The following TRPC7 variants were observed in gnomAD, a reference collection of about 807,000 sequenced individuals.
TRPC7 encodes the protein transient receptor potential cation channel subfamily C member 7.
In TRPC7, 42 loss-of-function variants were observed where a neutral mutation model predicts 90.1. The ratio of observed to expected loss-of-function variants is 0.47; its 90% CI spans 0.36 to 0.60. The LOEUF is 0.60. Among genes scored for constraint, TRPC7 ranks in the 20% least tolerant of loss-of-function variants. The probability of loss-of-function intolerance (pLI) is 0.00; values close to 1 mark genes in which losing one functional copy is unlikely to be tolerated. For missense variants in TRPC7, 955 were observed against 1,112.3 expected (o/e 0.86, Z 2.01); for synonymous variants, 451 against 436.3 (o/e 1.03, Z -0.42).
At chr5:136,221,485 T>C (rs1483275852) in intron 10 of TRPC7, among the ~76,000 whole-genome samples, 1 of 152,154 alleles carries the variant, frequency 6.6e-6, no homozygotes, top group Non-Finnish European at 1.5e-5. Flanking sequence ...ACAGGACATC[T>C]TTCTATGGGA....
At chr5:136,288,509 A>G (rs1037542693) in intron 3 of TRPC7, among the ~76,000 whole-genome samples, 1 of 151,052 alleles carries the variant, frequency 6.6e-6, no homozygotes, top group Non-Finnish European at 1.5e-5. Flanking sequence ...AGTGCCGGCT[A>G]TGGAGCAGAA....
At chr5:136,233,062 T>C (rs1755867701) in intron 7 of TRPC7, among the ~76,000 whole-genome samples, 1 of 152,032 alleles carries the variant, frequency 6.6e-6, no homozygotes, top group Non-Finnish European at 1.5e-5. Context: ...CCGAGTGTGA[T>C]TGTGTGGGGG....
chr5:136,298,858 C>CA (rs1758271897), intron 3 of TRPC7, among the ~76,000 whole-genome samples: 1 of 151,856 alleles, frequency 6.6e-6, no homozygotes, highest in African/African-American at 2.4e-5. Context: ...CAAATAAAAA[C>CA]AAAAAATGAA....
chr5:136,262,424 T>C (rs1189070135), intron 5 of TRPC7, among the ~76,000 whole-genome samples: 1 of 152,116 alleles, frequency 6.6e-6, no homozygotes, highest in Non-Finnish European at 1.5e-5. Context: ...CTTATCAGAG[T>C]AGAGGGATGA....
At chr5:136,303,120 A>G (rs1211035395) in intron 3 of TRPC7, among the ~76,000 whole-genome samples, 5 of 152,110 alleles carry the variant, frequency 3.3e-5, no homozygotes, top group African/African-American at 9.7e-5. Flanking sequence ...TTTACTCGAA[A>G]AGGTGGCTGG....
At chr5:136,229,042 G>A (rs1450474177) in intron 8 of TRPC7, among the ~76,000 whole-genome samples, 2 of 152,208 alleles carry the variant, frequency 1.3e-5, no homozygotes, top group African/African-American at 4.8e-5. Context: ...TTGCCGGGGG[G>A]AGTGGTGCAG....
intron 8 of TRPC7, among the ~76,000 whole-genome samples, chr5:136,230,620 AT>A (rs1755786806): frequency 6.6e-6 from 1 of 152,234 alleles, no homozygotes; most frequent in South Asian, 2.1e-4. Flanking sequence ...ATTTAATTAG[AT>A]TCCTATTAAT....
chr5:136,333,691 G>A (rs1265122230), intron 2 of TRPC7, among the ~76,000 whole-genome samples: 1 of 152,120 alleles, frequency 6.6e-6, no homozygotes, highest in African/African-American at 2.4e-5. Context: ...GGATGGAAAT[G>A]GAAACATTCA....
intron 8 of TRPC7, 137 bp downstream of exon 8, chr5:136,231,217 G>C: frequency 1.2e-6 from 1 of 801,924 alleles, no homozygotes; most frequent in Non-Finnish European, 1.9e-6. Flanking sequence ...AAGCAATCCA[G>C]GAAGAATGCC....
intron 2 of TRPC7, among the ~76,000 whole-genome samples, chr5:136,351,308 G>A (rs1760187843): frequency 6.6e-6 from 1 of 152,044 alleles, no homozygotes; most frequent in East Asian, 1.9e-4. Flanking sequence ...AAGACCTGCA[G>A]CCTTCATAGC....
chr5:136,311,429 CT>C, intron 3 of TRPC7, among the ~76,000 whole-genome samples: 1 of 152,278 alleles, frequency 6.6e-6, no homozygotes, highest in South Asian at 2.1e-4. Context: ...ACTGGGGTCC[CT>C]TCATAACTGC....
chr5:136,293,953 A>G lies in TRPC7; in HGVS notation c.964-19116T>C, dbSNP rs1266208389. Among the ~76,000 whole-genome samples the G allele has an allele frequency of 2.0e-5, 3 of 152,278 alleles. No homozygotes were observed. In the East Asian group the frequency reaches 5.8e-4, roughly 29 times the overall value. On this transcript the variant is annotated intron_variant, in intron 3 of 11. Coordinates refer to ENST00000513104, the MANE Select transcript of TRPC7 (RefSeq NM_020389.3). ...AGTACCAAAACAGAGATATAGACCA[A>G]TGGAACAGAACAGAGCCCTCAGAAA... is the stretch of plus-strand genomic sequence containing the variant.
Position 136,247,944 on chromosome 5 carries a change from T to C in TRPC7, c.1580-209A>G, listed in dbSNP as rs1756395764. Among the ~76,000 whole-genome samples the C allele has an allele frequency of 6.6e-6, 1 of 152,256 alleles. No individual in the cohort carries two copies. Among genetic ancestry groups the C allele is most frequent in the Non-Finnish European group, 1.5e-5 (1 of 68,046 alleles). On this transcript the variant is annotated intron_variant, in intron 6 of 11. Coordinates refer to ENST00000513104, the MANE Select transcript of TRPC7 (RefSeq NM_020389.3). This position sits in a 1 kb window ranked among gnomAD's most constrained non-coding sequence, Gnocchi z 4.2. Reference sequence around the variant, plus strand: ...AACACTCTTCTCTCACTTCGAAGTATGATTCATTCCTAATCCTCCTCTAAG... The same window carrying C: ...AACACTCTTCTCTCACTTCGAAGTACGATTCATTCCTAATCCTCCTCTAAG...
At chr5:136,220,863 A>C (rs1755432733) in intron 10 of TRPC7, among the ~76,000 whole-genome samples, 1 of 152,176 alleles carries the variant, frequency 6.6e-6, no homozygotes, top group African/African-American at 2.4e-5. Context: ...TCACCCCCGG[A>C]GGCCCAGCTG....
At chr5:136,246,994 T>C (rs1034256555) in intron 7 of TRPC7, among the ~76,000 whole-genome samples, 2 of 152,202 alleles carry the variant, frequency 1.3e-5, no homozygotes, top group African/African-American at 4.8e-5. Context: ...AGATAACTCA[T>C]GGATTGCAGT....
At chr5:136,243,678 T>A (rs1339703706) in intron 7 of TRPC7, among the ~76,000 whole-genome samples, 2 of 152,118 alleles carry the variant, frequency 1.3e-5, no homozygotes, top group Non-Finnish European at 2.9e-5. Context: ...CTTTTTTTTT[T>A]TTTAATTAAC....
chr5:136,215,842 G>A (rs900991136), intron 11 of TRPC7, among the ~76,000 whole-genome samples: 5 of 151,232 alleles, frequency 3.3e-5, no homozygotes, highest in African/African-American at 7.3e-5. Flanking sequence ...AAAAAAAATG[G>A]TGGAGGAGGA....
In TRPC7 at chr5:136,271,328, C is replaced by T. The variant is rs139608470; in HGVS notation, c.1128+3345G>A. Among the ~76,000 whole-genome samples, 788 of 152,324 alleles carry T rather than the reference C, an allele frequency of 5.2e-3. 8 individuals carry two copies. The highest frequency in any genetic ancestry group is 0.017 in the African/African-American group (715 of 41,562). On this transcript the variant is annotated intron_variant, in intron 4 of 11. Transcript: ENST00000513104. ...GTTAACAGGTAATAGACAAGGTCAG[C>T]TTCTCCTTCCCTGTTATAATTAAAA... is the stretch of plus-strand genomic sequence containing the variant.
At chr5:136,328,627 G>T (rs1337385596) in intron 2 of TRPC7, among the ~76,000 whole-genome samples, 1 of 152,186 alleles carries the variant, frequency 6.6e-6, no homozygotes, top group Non-Finnish European at 1.5e-5. Context: ...TCTGTATAAT[G>T]GGGCTGATAA....
Sources: gnomAD v4.1 joint callset for allele counts (sites outside exome capture counted in the v4.1 genomes callset) on GRCh38, gnomAD v4.1.1 for gene constraint, Gnocchi (gnomAD v3.1) non-coding constraint, MANE v1.5 for transcripts, NCBI Gene and HGNC (gene_info 2026-07-23, HGNC 2026-07-21) for gene names.